Variants in EBF4 observed in about 807,000 individuals in gnomAD.
The protein encoded by EBF4 is EBF transcription factor 4.
A neutral mutation model predicts 67.1 loss-of-function variants in EBF4; 34 were observed. The observed-to-expected ratio is 0.51, with a 90% CI of 0.39 to 0.67. EBF4 has a LOEUF of 0.67. EBF4 is among the 30% of genes least tolerant of loss of function. EBF4 has a pLI of 0.00. For missense variants in EBF4, 837 were observed against 873.3 expected (o/e 0.96, Z 0.52); for synonymous variants, 387 against 377.7 (o/e 1.02, Z -0.29).
Position 2,708,951 on chromosome 20 carries a change from C to T in EBF4, c.489-623C>T, listed in dbSNP as rs150206114. 2.5e-3 allele frequency among the ~76,000 whole-genome samples: 373 copies of T among 152,188 alleles called. 2 individuals are homozygous for T. Among genetic ancestry groups the T allele is most frequent in the African/African-American group, 8.3e-3 (345 of 41,516 alleles). ...CTGTAATCCCAGCACTTTAGGAAGC[C>T]GAGGCGAGCGGATCACTTGAGGCCA... On this transcript the variant is annotated intron_variant, in intron 5 of 16. Transcript: ENST00000609451.
intron 5 of EBF4, among the ~76,000 whole-genome samples, chr20:2,708,318 T>A (rs1203139883): frequency 6.6e-6 from 1 of 152,226 alleles, no homozygotes; most frequent in Non-Finnish European, 1.5e-5. Flanking sequence ...AGGGGAGGGC[T>A]GCTGGGGTTG....
intron 6 of EBF4, among the ~76,000 whole-genome samples, chr20:2,720,189 C>T (rs1418029943): frequency 6.6e-6 from 1 of 152,122 alleles, no homozygotes; most frequent in Non-Finnish European, 1.5e-5. Context: ...CTCCGCCTCC[C>T]AGGTTCAAGC....
rs965162873 is a variant in EBF4 at position 2,756,117 on chromosome 20, A to G, written c.1738+293A>G. Among the ~76,000 whole-genome samples the G allele has an allele frequency of 6.6e-6, 1 of 151,534 alleles. No individual in the cohort carries two copies. The highest frequency in any genetic ancestry group is 6.6e-5 in the Admixed American group (1 of 15,210). On this transcript the variant is annotated intron_variant, in intron 15 of 16. Transcript: ENST00000609451. The surrounding 1 kb of genome is among the most constrained non-coding windows in gnomAD (Gnocchi z 4.5). Reference sequence around the variant, plus strand: ...GATGAGGTCTAGAAACTACCCCAACACTCCATCCCCATCCAGCTGAGCCCA... The same window carrying G: ...GATGAGGTCTAGAAACTACCCCAACGCTCCATCCCCATCCAGCTGAGCCCA...
intron 6 of EBF4, among the ~76,000 whole-genome samples, chr20:2,719,874 G>A (rs1431801570): frequency 1.3e-5 from 2 of 152,152 alleles, no homozygotes; most frequent in African/African-American, 4.8e-5. Flanking sequence ...TTGTTATTGC[G>A]TGAAATGTTC....
At chr20:2,712,040 T>G (rs905054785) in intron 6 of EBF4, among the ~76,000 whole-genome samples, 1 of 151,838 alleles carries the variant, frequency 6.6e-6, no homozygotes, top group African/African-American at 2.4e-5. Context: ...AGGAAGGTAG[T>G]AGGAGGAAAT....
chr20:2,699,823 T>A (rs890896996), intron 1 of EBF4, among the ~76,000 whole-genome samples: 1 of 152,228 alleles, frequency 6.6e-6, no homozygotes, highest in African/African-American at 2.4e-5. Flanking sequence ...CATAAACTGA[T>A]ACCTGCCAAG....
rs201974997 is a variant in EBF4, at chr20:2,736,837, C to T, written c.558-11712C>T. Among the ~76,000 whole-genome samples the T allele has an allele frequency of 3.8e-5, 4 of 106,406 alleles. No homozygotes were observed. In the East Asian group the frequency reaches 1.1e-3, roughly 29 times the overall value. 69.8% of individuals were successfully genotyped at this position (106,406 alleles called of 152,430 possible). A position where few individuals can be genotyped will look rare whatever the true frequency, so the allele number is the denominator to read the frequency against. The stretch of plus-strand genomic sequence containing the variant: ...GATGCCAGTCATAAGGACAAAGGAC[C>T]CCTAATGAAGAGGAAGGACTTATGA... On this transcript the variant is annotated intron_variant, in intron 6 of 16. Transcript: ENST00000609451.
At chr20:2,706,010 T>C (rs1239319839) in exon 3 of EBF4, 1 of 1,551,580 alleles carries the variant, frequency 6.4e-7, no homozygotes, top group African/African-American at 1.4e-5. Flanking sequence ...TGGGATCCAT[T>C]ACCGCCTCCG....
In EBF4 at chr20:2,752,224, G is replaced by T. The variant is rs746905617; in HGVS notation, c.1312G>T (p.Ala438Ser). 469 of 1,356,000 alleles carry T rather than the reference G, an allele frequency of 3.5e-4. No homozygotes were observed. The highest frequency in any genetic ancestry group is 4.2e-4 in the Non-Finnish European group (440 of 1,052,230). 84.0% of individuals were successfully genotyped at this position (1,356,000 alleles called of 1,614,324 possible). A position where few individuals can be genotyped will look rare whatever the true frequency, so the allele number is the denominator to read the frequency against. Residue 438 changes from alanine (A) to serine (S), a missense_variant, in exon 13 of 17, where the codon GCC becomes TCC. By Grantham distance (99) the Ala-to-Ser change is moderately conservative (BLOSUM62 1). Transcript: ENST00000609451. ...CATCAACGCCTTCAGCAGCCCGCTG[G>T]CCATCGCCGTCGGGGACGCCACCCC... is the stretch of plus-strand genomic sequence containing the variant.
At chr20:2,701,576 G>A (rs1235289850) in intron 1 of EBF4, among the ~76,000 whole-genome samples, 1 of 152,244 alleles carries the variant, frequency 6.6e-6, no homozygotes, top group East Asian at 1.9e-4. Flanking sequence ...TGTGATTTAT[G>A]CTGCACCAGT....
intron 6 of EBF4, among the ~76,000 whole-genome samples, chr20:2,726,580 C>CAAAA (rs10681053): frequency 0.033 from 4,827 of 144,558 alleles, 248 homozygotes; most frequent in African/African-American, 0.11. Flanking sequence ...GACCCTGTCT[C>CAAAA]AAAAAAAAAA....
At chr20:2,720,096 G>A (rs2087660359) in intron 6 of EBF4, among the ~76,000 whole-genome samples, 1 of 152,098 alleles carries the variant, frequency 6.6e-6, no homozygotes, top group Admixed American at 6.5e-5. Flanking sequence ...GAATTATTAT[G>A]TCTTCTTGTT....
intron 6 of EBF4, among the ~76,000 whole-genome samples, chr20:2,743,737 C>A (rs958646186): frequency 6.6e-6 from 1 of 152,124 alleles, no homozygotes; most frequent in African/African-American, 2.4e-5. Context: ...GCTAATTTCT[C>A]CACCAAACAG....
chr20:2,705,760 A>AG lies in EBF4; in HGVS notation c.294+27_294+28insG, dbSNP rs1374534065. On this transcript the variant is annotated intron_variant, in intron 2 of 16. Transcript: ENST00000609451. ...TGAGAGGCTCATGGGCTTGGCTGGG[A>AG]CTGGCCCCGGGAGGGAACCCCCAAC... The AG allele has an allele frequency of 1.8e-5, 27 of 1,487,232 alleles. No homozygotes were observed. The African/African-American group carries it at 3.4e-4, about 19-fold the overall frequency. The allele number at this position is 1,487,232 out of a possible 1,614,324, so 92.1% of individuals were successfully genotyped here.
At chr20:2,748,497 A>G in intron 6 of EBF4, 52 bp from the exon 7 acceptor site, 2 of 1,516,876 alleles carry the variant, frequency 1.3e-6, no homozygotes, top group Non-Finnish European at 9.0e-7. Context: ...TTGGATCTTC[A>G]TCTGTTTCCA....
intron 6 of EBF4, among the ~76,000 whole-genome samples, chr20:2,731,724 C>T (rs796192890): frequency 4.6e-5 from 7 of 152,300 alleles, no homozygotes; most frequent in African/African-American, 1.7e-4. Context: ...TACCAGATGC[C>T]TCTCTCTCTT....
chr20:2,706,441 C>T (rs1387145672), intron 4 of EBF4, among the ~76,000 whole-genome samples, 177 bp downstream of exon 4: 1 of 152,148 alleles, frequency 6.6e-6, no homozygotes, highest in Non-Finnish European at 1.5e-5. Flanking sequence ...GGCTTTTGCC[C>T]TCTGTTCTAG....
intron 16 of EBF4, 38 bp downstream of exon 16, chr20:2,759,022 C>T: frequency 1.3e-6 from 2 of 1,533,166 alleles, no homozygotes; most frequent in Non-Finnish European, 8.8e-7. Flanking sequence ...CCCGCCCCAC[C>T]TGGCCCTGAG....
In EBF4 at chr20:2,751,141, T is replaced by C. The variant is rs1336134917; in HGVS notation, c.1019-559T>C. Reference sequence around the variant, plus strand: ...GAACACAACACACGTGGAGATGCAATGTAGAATCTGGCCGCTGGCCGGATC... The same window carrying C: ...GAACACAACACACGTGGAGATGCAACGTAGAATCTGGCCGCTGGCCGGATC... On this transcript the variant is annotated intron_variant, in intron 10 of 16. Coordinates refer to ENST00000609451, the Ensembl canonical transcript of EBF4. The surrounding 1 kb of genome is among the most constrained non-coding windows in gnomAD (Gnocchi z 5.2). Among the ~76,000 whole-genome samples, 1 of 151,812 alleles carries C rather than the reference T, an allele frequency of 6.6e-6. No individual in the cohort carries two copies. The highest frequency in any genetic ancestry group is 1.5e-5 in the Non-Finnish European group (1 of 67,930).
Sources: allele counts gnomAD v4.1 joint callset (sites outside exome capture counted in the v4.1 genomes callset), GRCh38; gene constraint gnomAD v4.1.1; non-coding constraint Gnocchi (gnomAD v3.1); transcripts MANE v1.5; gene names NCBI Gene and HGNC (gene_info 2026-07-23, HGNC 2026-07-21).